Variants in SREBF2 observed in about 807,000 individuals in gnomAD.
SREBF2 encodes the protein sterol regulatory element binding transcription factor 2.
Under a neutral mutation model 113.1 loss-of-function variants are expected in SREBF2, and 55 were observed. The observed-to-expected ratio is 0.49, with a 90% CI of 0.39 to 0.61. The LOEUF (loss-of-function observed/expected upper bound fraction) is 0.61, where lower values mean the gene tolerates loss of function less well. Ranked by LOEUF, SREBF2 falls within the 20% of genes least tolerant of loss-of-function variation. The pLI, the probability that SREBF2 is intolerant of heterozygous loss-of-function variation, is 0.00. For synonymous variants in SREBF2, 593 were observed against 605.7 expected (o/e 0.98, Z 0.31); for missense variants, 1,349 against 1,487.4 (o/e 0.91, Z 1.53).
In SREBF2 at chr22:41,866,860, GGAGAGTTCCCTGACTTGT is replaced by G. The variant is rs1415849416; in HGVS notation, c.119_136del (p.Gly40_Phe46delinsVal). On this transcript the variant is annotated inframe_deletion, in exon 2 of 19. Transcript: ENST00000361204. Reference sequence around the variant, plus strand: ...GCTGCAATTTGTCAGTAATCAAGTGGGAGAGTTCCCTGACTTGTTTTCAGAACAGCTGTGTAGCTCCTT... The same window carrying G: ...GCTGCAATTTGTCAGTAATCAAGTGGTTTCAGAACAGCTGTGTAGCTCCTT... 1 of 1,614,196 alleles carries G rather than the reference GGAGAGTTCCCTGACTTGT, an allele frequency of 6.2e-7. No homozygotes were observed. The highest frequency in any genetic ancestry group is 8.5e-7 in the Non-Finnish European group (1 of 1,180,028).
chr22:41,894,704 A>G (rs1021346486), intron 12 of SREBF2, 116 bp from the exon 13 acceptor site: 3 of 874,744 alleles, frequency 3.4e-6, no homozygotes, highest in East Asian at 2.4e-5. Context: ...TTGGTGGAGA[A>G]GGGGCATCTG....
At chr22:41,896,648 C>T (rs1340286078) in intron 13 of SREBF2, among the ~76,000 whole-genome samples, 3 of 152,190 alleles carry the variant, frequency 2.0e-5, no homozygotes, top group Non-Finnish European at 4.4e-5. Context: ...CGTGAGCCAC[C>T]GTGCCCGGCC....
rs932507024 is a variant in SREBF2, at chr22:41,905,566, G to A, written c.3332G>A (p.Arg1111His). Residue 1111 changes from arginine to histidine, a missense_variant, in exon 19 of 19, where the codon CGC becomes CAC. Transcript: ENST00000361204. ...QRAVLLAEAA[R>H]TLEKVGDRRS... ...GCAGTGCTGCTGGCCGAAGCTGCCC[G>A]CACCCTGGAGAAGGTGGGCGACCGG... The A allele has an allele frequency of 1.7e-5, 27 of 1,595,794 alleles. No individual in the cohort carries two copies. Among genetic ancestry groups the A allele is most frequent in the Admixed American group, 5.2e-5 (3 of 57,822 alleles).
chr22:41,876,245 A>G (rs993102410), intron 7 of SREBF2, among the ~76,000 whole-genome samples: 1 of 152,232 alleles, frequency 6.6e-6, no homozygotes, highest in African/African-American at 2.4e-5. Flanking sequence ...GAGCCTAATG[A>G]TCTTCCTGGG....
Position 41,877,313 on chromosome 22 carries a change from T to C in SREBF2, c.1471T>C (p.Cys491Arg). ...RILLCVLTFL[C>R]LSFNPLTSLL... ...TCTTCTGTGTGTCCTCACCTTCCTG[T>C]GCCTCTCCTTTAACCCCCTGACTTC... The change falls in exon 8 of 19, where the codon TGC (cysteine) becomes CGC (arginine). Residue 491 changes from cysteine to arginine, a missense_variant. By Grantham distance (180) the Cys-to-Arg change is radical. Transcript: ENST00000361204. 6.2e-7 allele frequency: 1 copy of C among 1,614,188 alleles called. No homozygotes were observed. The highest frequency in any genetic ancestry group is 8.5e-7 in the Non-Finnish European group (1 of 1,180,016).
chr22:41,852,675 A>T (rs1324693396), intron 1 of SREBF2, among the ~76,000 whole-genome samples: 1 of 142,298 alleles, frequency 7.0e-6, no homozygotes, highest in Non-Finnish European at 1.5e-5. Context: ...TCATCAATTG[A>T]TGAAGTTATC....
At chr22:41,905,193 G>A (rs1020409799) in intron 18 of SREBF2, among the ~76,000 whole-genome samples, 13 of 152,232 alleles carry the variant, frequency 8.5e-5, no homozygotes, top group African/African-American at 2.4e-4. Flanking sequence ...TTGGGGTGGC[G>A]TCCCAGCACA....
rs192956825 is a variant in SREBF2, at chr22:41,889,073, A to G, written c.2209-4044A>G. On this transcript the variant is annotated intron_variant, in intron 11 of 18. Transcript: ENST00000361204. ...GATTCCCAAACATTCTCTACTCACT[A>G]TGTCTCAGTAAATTTTTCATGGCAT... Among the ~76,000 whole-genome samples, 14 of 152,198 alleles carry G rather than the reference A, an allele frequency of 9.2e-5. 1 individual carries two copies. In the East Asian group the frequency reaches 2.3e-3, roughly 25 times the overall value.
Position 41,900,490 on chromosome 22 carries a change from C to T in SREBF2, c.2899C>T (p.Leu967Phe). Residue 967 changes from leucine to phenylalanine, a missense_variant, in exon 16 of 19, where the codon CTC becomes TTC. Leu to Phe is a conservative substitution (Grantham distance 22). Coordinates refer to ENST00000361204, the MANE Select transcript of SREBF2 (RefSeq NM_004599.4). The stretch of plus-strand genomic sequence containing the variant: ...CAGTGGGGCCACCTCTGACCCTGCC[C>T]TCAACCACGTGAGTGGGAGCTGAGT... ...NVSGATSDPA[L>F]NHVVQLLTCD... 1 of 1,613,100 alleles carries T rather than the reference C, an allele frequency of 6.2e-7. No homozygotes were observed. Among genetic ancestry groups the T allele is most frequent in the Non-Finnish European group, 8.5e-7 (1 of 1,179,612 alleles).
chr22:41,859,160 G>A (rs1230664765), intron 1 of SREBF2, among the ~76,000 whole-genome samples: 1 of 151,294 alleles, frequency 6.6e-6, no homozygotes, highest in African/African-American at 2.4e-5. Context: ...TAATAAAACA[G>A]TCACACAGTT....
rs1213185476 is a variant in SREBF2 at position 41,875,731 on chromosome 22, A to C, written c.1386+7A>C. The C allele has an allele frequency of 5.0e-6, 8 of 1,614,048 alleles. No individual in the cohort carries two copies. In the East Asian group the frequency reaches 1.8e-4, roughly 36 times the overall value. On this transcript the variant is annotated splice_region_variant and intron_variant, in intron 7 of 18. Transcript: ENST00000361204. ...TCTATTGGATGATGCAAAGGTACAG[A>C]CTTTTGAAATCTCCTGATCCCTGGA...
At chr22:41,855,953 C>A (rs1212284009) in intron 1 of SREBF2, among the ~76,000 whole-genome samples, 2 of 151,332 alleles carry the variant, frequency 1.3e-5, no homozygotes, top group Non-Finnish European at 2.9e-5. Flanking sequence ...GATGGGGTCT[C>A]ACTATTTTGT....
At chr22:41,885,961 A>T (rs1238775817) in intron 11 of SREBF2, 1 of 152,232 alleles carries the variant, frequency 6.6e-6, no homozygotes, top group African/African-American at 2.4e-5. Flanking sequence ...CTGAGAAGTG[A>T]TACTTTTTAT....
At chr22:41,892,041 T>C (rs1335515549) in intron 11 of SREBF2, among the ~76,000 whole-genome samples, 5 of 152,298 alleles carry the variant, frequency 3.3e-5, no homozygotes, top group Middle Eastern at 3.4e-3. Flanking sequence ...AGGTTCCCCC[T>C]CTGTTCTTTC....
chr22:41,853,037 A>T (rs749117630), intron 1 of SREBF2, among the ~76,000 whole-genome samples: 1 of 152,166 alleles, frequency 6.6e-6, no homozygotes, highest in Admixed American at 6.5e-5. Flanking sequence ...GGCATGAGCC[A>T]CTGTGCCCGG....
At position 41,863,905 on chromosome 22, in the gene SREBF2, G is replaced by A. The variant is rs6002514; in HGVS notation, c.89-2926G>A. Among the ~76,000 whole-genome samples, 388 of 151,254 alleles carry A rather than the reference G, an allele frequency of 2.6e-3. 4 individuals are homozygous for A. The East Asian group carries it at 0.028, about 11-fold the overall frequency. ...TATTTATTTATTTATTTTTTGGGAC[G>A]GAGTCTTGCTCTGTTCCCTAGGCTG... On this transcript the variant is annotated intron_variant, in intron 1 of 18. Transcript: ENST00000361204.
chr22:41,895,081 T>A, intron 13 of SREBF2, 144 bp downstream of exon 13: 1 of 703,770 alleles, frequency 1.4e-6, no homozygotes, highest in Admixed American at 2.1e-5. Flanking sequence ...GTATTTAATT[T>A]CTCAAAAATG....
intron 1 of SREBF2, among the ~76,000 whole-genome samples, chr22:41,848,844 C>A (rs993368736): frequency 6.6e-6 from 1 of 152,080 alleles, no homozygotes; most frequent in Non-Finnish European, 1.5e-5. Context: ...CTGCCAGGCA[C>A]TCACTATCCC....
Position 41,887,221 on chromosome 22 carries a change from GAA to G in SREBF2, c.2208+2221_2208+2222del, listed in dbSNP as rs897543400. On this transcript the variant is annotated intron_variant, in intron 11 of 18. Transcript: ENST00000361204. ...CAGAGTGAGTGAGACTCCGTCTCAAGAAAAAAAAAAAAGATTACAATATGCAT... is the reference window on the plus strand; with the variant it reads ...CAGAGTGAGTGAGACTCCGTCTCAAGAAAAAAAAAAGATTACAATATGCAT... 6.8e-4 allele frequency among the ~76,000 whole-genome samples: 92 copies of G among 135,444 alleles called. 2 individuals are homozygous for G. The Middle Eastern group carries it at 0.011, about 16-fold the overall frequency. 88.9% of individuals were successfully genotyped at this position (135,444 alleles called of 152,430 possible).
Sources: gnomAD v4.1 joint callset for allele counts (sites outside exome capture counted in the v4.1 genomes callset) on GRCh38, gnomAD v4.1.1 for gene constraint, MANE v1.5 for transcripts, NCBI Gene and HGNC (gene_info 2026-07-23, HGNC 2026-07-21) for gene names.